The following CATSPERB variants were observed in gnomAD, a reference collection of about 807,000 sequenced individuals.
CATSPERB encodes cation channel sperm-associated auxiliary subunit beta.
In CATSPERB, 93 loss-of-function variants were observed where a neutral mutation model predicts 128.3. The observed-to-expected ratio is 0.72, with a 90% CI of 0.61 to 0.86. CATSPERB has a LOEUF of 0.86. CATSPERB is among the 40% of genes least tolerant of loss of function. The pLI is 0.00. For synonymous variants in CATSPERB, 381 were observed against 448.8 expected, an observed-to-expected ratio of 0.85 and a Z score of 1.91; for missense variants, 1,153 against 1,329.5, an observed-to-expected ratio of 0.87 and a Z score of 2.06.
In CATSPERB at chr14:91,650,190, A is replaced by G. The variant is rs1894679228; in HGVS notation, c.1432+9647T>C. 2.0e-5 allele frequency among the ~76,000 whole-genome samples: 3 copies of G among 152,358 alleles called. No individual in the cohort carries two copies. The South Asian group carries it at 6.2e-4, about 32-fold the overall frequency. On this transcript the variant is annotated intron_variant, in intron 15 of 26. Transcript: ENST00000256343. ...TTTATAACTTTATAAATATTTATAA[A>G]TCAGTTATTTATAACTTTTATAAAG... is the stretch of plus-strand genomic sequence containing the variant.
At chr14:91,603,673 A>G (rs1893647951) in intron 22 of CATSPERB, among the ~76,000 whole-genome samples, 1 of 152,166 alleles carries the variant, frequency 6.6e-6, no homozygotes, top group African/African-American at 2.4e-5. Context: ...AGGAACTTAC[A>G]ATCATGGCAG....
At chr14:91,627,351 T>G (rs777095020) in intron 17 of CATSPERB, among the ~76,000 whole-genome samples, 1 of 152,208 alleles carries the variant, frequency 6.6e-6, no homozygotes, top group Non-Finnish European at 1.5e-5. Context: ...AAGAAACCTC[T>G]TTTTCCTCTA....
At chr14:91,599,490 C>T (rs1010773969) in intron 22 of CATSPERB, among the ~76,000 whole-genome samples, 1 of 139,000 alleles carries the variant, frequency 7.2e-6, no homozygotes, top group Non-Finnish European at 1.5e-5. Context: ...ACCTGGGAAG[C>T]GGAGCTTGCA....
chr14:91,688,088 T>A (rs1895404818), intron 10 of CATSPERB, among the ~76,000 whole-genome samples: 1 of 152,234 alleles, frequency 6.6e-6, no homozygotes. Flanking sequence ...CTCATTTTCT[T>A]CCCCTTTATT....
chr14:91,640,935 G>A (rs1188978465), intron 15 of CATSPERB, among the ~76,000 whole-genome samples: 2 of 151,846 alleles, frequency 1.3e-5, no homozygotes, highest in Non-Finnish European at 2.9e-5. Flanking sequence ...ATTCTAACTG[G>A]TGTGAGATGG....
intron 11 of CATSPERB, among the ~76,000 whole-genome samples, chr14:91,677,050 C>G (rs1895203308): frequency 6.6e-6 from 1 of 152,100 alleles, no homozygotes; most frequent in Admixed American, 6.5e-5. Context: ...ACCCCTTCCT[C>G]ACACCTTATA....
chr14:91,592,078 A>G, intron 22 of CATSPERB, 76 bp from the exon 23 acceptor site: 8 of 881,214 alleles, frequency 9.1e-6, no homozygotes, highest in Non-Finnish European at 1.5e-5. Context: ...ATATCTAATA[A>G]ATATTTATTC....
At chr14:91,680,842 A>G (rs1051165517) in intron 11 of CATSPERB, among the ~76,000 whole-genome samples, 4 of 152,196 alleles carry the variant, frequency 2.6e-5, no homozygotes, top group East Asian at 3.9e-4. Context: ...GGGAACCCCA[A>G]GAAAAACCCT....
intron 20 of CATSPERB, among the ~76,000 whole-genome samples, chr14:91,611,811 A>C (rs1949074): frequency 0.12 from 17,540 of 152,232 alleles, 1,103 homozygotes; most frequent in Non-Finnish European, 0.14. Context: ...TAATCATTTT[A>C]CTACATATAT....
intron 14 of CATSPERB, among the ~76,000 whole-genome samples, chr14:91,662,830 T>C (rs1198337655): frequency 6.6e-6 from 1 of 152,238 alleles, no homozygotes; most frequent in African/African-American, 2.4e-5. Flanking sequence ...TCATTCCACT[T>C]GTTTCCTTTT....
At chr14:91,721,009 A>T (rs1365423851) in intron 4 of CATSPERB, among the ~76,000 whole-genome samples, 1 of 152,186 alleles carries the variant, frequency 6.6e-6, no homozygotes, top group African/African-American at 2.4e-5. Flanking sequence ...TCATGCTAGG[A>T]TGGCTGGATA....
chr14:91,630,425 T>A (rs1894254298), intron 17 of CATSPERB, among the ~76,000 whole-genome samples: 1 of 152,186 alleles, frequency 6.6e-6, no homozygotes, highest in Non-Finnish European at 1.5e-5. Context: ...TACATCTAAC[T>A]GCCAACTTCA....
At chr14:91,616,639 A>G (rs1893939675) in intron 20 of CATSPERB, among the ~76,000 whole-genome samples, 1 of 152,082 alleles carries the variant, frequency 6.6e-6, no homozygotes, top group Non-Finnish European at 1.5e-5. Flanking sequence ...CACAATTTCA[A>G]TAAGTCTATC....
intron 17 of CATSPERB, chr14:91,635,784 C>T (rs922075988): frequency 6.6e-6 from 1 of 152,190 alleles, no homozygotes; most frequent in Admixed American, 6.5e-5. Context: ...AAGATAGCCT[C>T]CACTACATTA....
intron 14 of CATSPERB, among the ~76,000 whole-genome samples, chr14:91,668,420 A>G (rs1485850717): frequency 1.3e-5 from 2 of 151,864 alleles, no homozygotes. Flanking sequence ...ACCAATCAGC[A>G]CTCTGTAAAA....
intron 6 of CATSPERB, 37 bp from the exon 7 acceptor site, chr14:91,704,738 G>A (rs1895708957): frequency 3.1e-6 from 5 of 1,595,532 alleles, no homozygotes; most frequent in Non-Finnish European, 4.3e-6. Flanking sequence ...AATTGTGGGA[G>A]CACCCTTGAA....
chr14:91,668,813 C>A (rs1258963237), intron 14 of CATSPERB, among the ~76,000 whole-genome samples: 1 of 152,174 alleles, frequency 6.6e-6, no homozygotes, highest in African/African-American at 2.4e-5. Flanking sequence ...GACCACGCAC[C>A]CACCAGAAGG....
chr14:91,718,063 T>G (rs1331828557), intron 5 of CATSPERB, among the ~76,000 whole-genome samples: 1 of 152,148 alleles, frequency 6.6e-6, no homozygotes, highest in Admixed American at 6.5e-5. Context: ...AGTTTGTAAA[T>G]AAAGAGTAGA....
chr14:91,684,590 CAT>C (rs1420242912), intron 10 of CATSPERB, among the ~76,000 whole-genome samples: 2 of 148,726 alleles, frequency 1.3e-5, no homozygotes, highest in Admixed American at 6.7e-5. Context: ...AACTTGAACA[CAT>C]GAGGAGACAC....
Sources: allele counts gnomAD v4.1 joint callset (sites outside exome capture counted in the v4.1 genomes callset), GRCh38; gene constraint gnomAD v4.1.1; transcripts MANE v1.5; gene names NCBI Gene and HGNC (gene_info 2026-07-23, HGNC 2026-07-21).